Variants in LRIG2 observed in about 807,000 individuals in gnomAD.
LRIG2 encodes the protein leucine rich repeats and immunoglobulin like domains 2, also known as leucine-rich repeats and immunoglobulin-like domains protein 2.
LRIG2 carries 93 observed loss-of-function variants against 107.8 expected under a neutral mutation model. The ratio of observed to expected loss-of-function variants is 0.86; its 90% CI spans 0.73 to 1.03. The LOEUF (loss-of-function observed/expected upper bound fraction) is 1.03. LRIG2 is among the 50% of genes least tolerant of loss of function. The probability of loss-of-function intolerance (pLI) is 0.00; values close to 1 mark genes in which losing one functional copy is unlikely to be tolerated. For synonymous variants in LRIG2, 471 were observed against 470.6 expected (o/e 1.00, Z -0.01); for missense variants, 1,226 against 1,296.0 (o/e 0.95, Z 0.83).
At chr1:113,076,939 C>G (rs1653004902) in intron 1 of LRIG2, among the ~76,000 whole-genome samples, 1 of 152,084 alleles carries the variant, frequency 6.6e-6, no homozygotes, top group South Asian at 2.1e-4. Flanking sequence ...AGGTTTATGA[C>G]TCAACTTCTT....
intron 17 of LRIG2, among the ~76,000 whole-genome samples, chr1:113,123,196 A>G (rs1003487554): frequency 6.6e-5 from 10 of 152,240 alleles, no homozygotes; most frequent in African/African-American, 2.4e-4. Context: ...TGAATCAATG[A>G]TTATTACCTA....
chr1:113,087,468 C>A (rs780554843), intron 1 of LRIG2, among the ~76,000 whole-genome samples: 1 of 152,188 alleles, frequency 6.6e-6, no homozygotes, highest in African/African-American at 2.4e-5. Flanking sequence ...CCTGCCTCAG[C>A]CTCCCGAGTA....
At chr1:113,110,902 G>A (rs1201400058) in intron 13 of LRIG2, among the ~76,000 whole-genome samples, 1 of 152,088 alleles carries the variant, frequency 6.6e-6, no homozygotes, top group Non-Finnish European at 1.5e-5. Flanking sequence ...ATTTATTCCT[G>A]ATGGGCCTTC....
chr1:113,091,269 G>T (rs760371672), intron 1 of LRIG2, 49 bp from the exon 2 acceptor site: 8 of 1,205,666 alleles, frequency 6.6e-6, no homozygotes, highest in South Asian at 2.8e-5. Context: ...TTTTTCTTTA[G>T]GTCTACTTTC....
chr1:113,120,105 G>A (rs764049576), intron 17 of LRIG2, among the ~76,000 whole-genome samples: 5 of 150,962 alleles, frequency 3.3e-5, no homozygotes, highest in Non-Finnish European at 5.9e-5. Flanking sequence ...CACCGCACCC[G>A]GTATCATATA....
chr1:113,083,555 A>G (rs1466664809), intron 1 of LRIG2, among the ~76,000 whole-genome samples: 1 of 151,702 alleles, frequency 6.6e-6, no homozygotes, highest in Non-Finnish European at 1.5e-5. Flanking sequence ...CATGTTGGCC[A>G]GGCTGGTCTC....
intron 1 of LRIG2, among the ~76,000 whole-genome samples, chr1:113,087,536 A>G (rs935548619): frequency 6.6e-6 from 1 of 151,948 alleles, no homozygotes. Flanking sequence ...TTTTGTAGAG[A>G]CGGGGTTTCA....
At chr1:113,079,911 G>T (rs555942244) in intron 1 of LRIG2, among the ~76,000 whole-genome samples, 2 of 150,686 alleles carry the variant, frequency 1.3e-5, no homozygotes. Flanking sequence ...TGTATTTTTA[G>T]TCAAGACGGG....
chr1:113,118,232 T>C (rs958775386), intron 16 of LRIG2, among the ~76,000 whole-genome samples: 1 of 152,232 alleles, frequency 6.6e-6, no homozygotes, highest in Admixed American at 6.5e-5. Flanking sequence ...TGCATGATTT[T>C]GAATAAGTAA....
chr1:113,113,655 C>T (rs543944334), intron 14 of LRIG2, among the ~76,000 whole-genome samples: 17 of 151,660 alleles, frequency 1.1e-4, no homozygotes, highest in South Asian at 4.2e-4. Context: ...CTCCACTTCC[C>T]GGGTTCAAGT....
chr1:113,131,581 G>A lies in LRIG2; in HGVS notation c.*7480G>A, dbSNP rs1655701898. 6.6e-6 allele frequency: 1 copy of A among 152,024 alleles called. No homozygotes were observed. Among genetic ancestry groups the A allele is most frequent in the South Asian group, 2.1e-4 (1 of 4,804 alleles). 9.4% of individuals were successfully genotyped at this position (152,024 alleles called of 1,614,324 possible). On this transcript the variant is annotated 3_prime_UTR_variant, in exon 18 of 18. Coordinates refer to ENST00000361127, the MANE Select transcript of LRIG2 (RefSeq NM_014813.3). ...ACGTGATCTCTTTGCCCATACAGTT[G>A]GCAGATGTTTTTTCCCCCTTTTTCT...
At chr1:113,112,352 C>G (rs1386583801) in intron 13 of LRIG2, 127 bp from the exon 14 acceptor site, 2 of 809,946 alleles carry the variant, frequency 2.5e-6, no homozygotes, top group Non-Finnish European at 3.9e-6. Flanking sequence ...ATCAGAGAGC[C>G]TGTCTTCACA....
At chr1:113,084,032 TA>T (rs1557898226) in intron 1 of LRIG2, among the ~76,000 whole-genome samples, 1,737 of 143,490 alleles carry the variant, frequency 0.012, 20 homozygotes, top group Non-Finnish European at 0.016. Context: ...ATAATAATAA[TA>T]ATAATAATAT....
At position 113,119,258 on chromosome 1, in the gene LRIG2, C is replaced by A. The variant is rs754301196; in HGVS notation, c.2706C>A (p.Cys902Ter). The A allele has an allele frequency of 6.2e-7, 1 of 1,613,484 alleles. No individual in the cohort carries two copies. The highest frequency in any genetic ancestry group is 8.5e-7 in the Non-Finnish European group (1 of 1,179,476). ...TDGGTGTRVI[C>*]SDCYDNANIY... The stretch of plus-strand genomic sequence containing the variant: ...GTGGCACTGGTACCCGGGTGATTTG[C>A]TCAGATTGTTATGACAATGCCAACA... Residue 902 changes from cysteine to a stop codon, truncating the protein, a stop_gained, in exon 17 of 18, where the codon TGC becomes TGA. Coordinates refer to ENST00000361127, the MANE Select transcript of LRIG2 (RefSeq NM_014813.3). LOFTEE classifies it high-confidence loss of function.
chr1:113,118,281 C>T (rs946553325), intron 16 of LRIG2, among the ~76,000 whole-genome samples: 1 of 152,342 alleles, frequency 6.6e-6, no homozygotes, highest in East Asian at 1.9e-4. Flanking sequence ...TCTCCTTCAT[C>T]ATTCAGTTTT....
At chr1:113,075,433 A>G (rs1439592935) in intron 1 of LRIG2, among the ~76,000 whole-genome samples, 3 of 152,240 alleles carry the variant, frequency 2.0e-5, no homozygotes, top group Non-Finnish European at 4.4e-5. Context: ...TAGTAAACAT[A>G]GAACTGCAGT....
At chr1:113,099,648 A>G (rs1654225359) in intron 9 of LRIG2, among the ~76,000 whole-genome samples, 3 of 152,316 alleles carry the variant, frequency 2.0e-5, no homozygotes, top group South Asian at 4.2e-4. Flanking sequence ...TAGAATTTCT[A>G]TTCAAGTAAA....
At position 113,085,369 on chromosome 1, in the gene LRIG2, C is replaced by T. The variant is rs567830285; in HGVS notation, c.240-5949C>T. The stretch of plus-strand genomic sequence containing the variant: ...TGGGATCTCTGCTCACCGCAACCTC[C>T]GCCTCCCGGGTTCAAGTGATTCTCC... On this transcript the variant is annotated intron_variant, in intron 1 of 17. Transcript: ENST00000361127. 3.0e-3 allele frequency among the ~76,000 whole-genome samples: 461 copies of T among 152,256 alleles called. 2 individuals carry two copies. The highest frequency in any genetic ancestry group is 7.6e-3 in the African/African-American group (317 of 41,548).
At position 113,129,366 on chromosome 1, in the gene LRIG2, T is replaced by C. The variant is rs1655616616; in HGVS notation, c.*5265T>C. The C allele has an allele frequency of 6.8e-6, 1 of 147,872 alleles. No individual in the cohort carries two copies. Among genetic ancestry groups the C allele is most frequent in the Admixed American group, 6.8e-5 (1 of 14,768 alleles). The allele number at this position is 147,872 out of a possible 1,614,324, so 9.2% of individuals were successfully genotyped here. On this transcript the variant is annotated 3_prime_UTR_variant, in exon 18 of 18. Coordinates refer to ENST00000361127, the MANE Select transcript of LRIG2 (RefSeq NM_014813.3). ...TACTGCCTCTCTGCTCTAGCAGTGG[T>C]CCTTCTACTGACAGTGCTGTCAGAG...
Sources: allele counts gnomAD v4.1 joint callset (sites outside exome capture counted in the v4.1 genomes callset), GRCh38; gene constraint gnomAD v4.1.1; transcripts MANE v1.5; gene names NCBI Gene and HGNC (gene_info 2026-07-23, HGNC 2026-07-21).